Variants in TECPR2 observed in about 807,000 individuals in gnomAD.
TECPR2 encodes tectonin beta-propeller repeat containing 2.
TECPR2 carries 65 observed loss-of-function variants against 138.1 expected under a neutral mutation model. The ratio of observed to expected loss-of-function variants is 0.47; its 90% CI spans 0.39 to 0.58. The LOEUF (loss-of-function observed/expected upper bound fraction) is 0.58, where lower values mean the gene tolerates loss of function less well. Among genes scored for constraint, TECPR2 ranks in the 20% least tolerant of loss-of-function variants. TECPR2 has a pLI of 0.00. For missense variants in TECPR2, 1,553 were observed against 1,824.5 expected, an observed-to-expected ratio of 0.85 and a Z score of 2.71; for synonymous variants, 746 against 749.8, an observed-to-expected ratio of 0.99 and a Z score of 0.08.
chr14:102,440,474 G>A lies in TECPR2; in HGVS notation c.2617G>A (p.Ala873Thr), dbSNP rs755300630. 1 of 1,614,050 alleles carries A rather than the reference G, an allele frequency of 6.2e-7. No individual in the cohort carries two copies. The highest frequency in any genetic ancestry group is 8.5e-7 in the Non-Finnish European group (1 of 1,180,040). ...GAAGATTGAACAGAAATCTAACCGG[G>A]CTTTTGCTTGTGGGAAAGTCACCAT... ...LWKIEQKSNR[A>T]FACGKVTIKG... Residue 873 changes from alanine to threonine, a missense_variant, in exon 11 of 20, where the codon GCT (alanine) becomes ACT (threonine). Ala to Thr is a moderately conservative substitution (Grantham distance 58). Transcript: ENST00000359520.
At chr14:102,488,214 G>GT (rs1354550710) in intron 17 of TECPR2, among the ~76,000 whole-genome samples, 6 of 149,484 alleles carry the variant, frequency 4.0e-5, no homozygotes, top group Non-Finnish European at 8.9e-5. Context: ...CTTTTTTTTT[G>GT]TTTTTTTAGT....
intron 1 of TECPR2, among the ~76,000 whole-genome samples, chr14:102,370,777 C>T (rs751761394): frequency 4.6e-5 from 7 of 152,090 alleles, no homozygotes; most frequent in Non-Finnish European, 8.8e-5. Context: ...ATGAGCTGGG[C>T]ACCAGAGAGA....
chr14:102,497,058 T>C lies in TECPR2; in HGVS notation c.3869T>C (p.Val1290Ala). Residue 1290 changes from valine (V) to alanine (A), a missense_variant, in exon 18 of 20, where the codon GTG (valine) becomes GCG (alanine). Transcript: ENST00000359520. ...MLWVLDSRWNVHVRTGITEEM... is the reference protein window; with the variant it reads ...MLWVLDSRWNAHVRTGITEEM... ...TGGGTGCTTGACAGCAGGTGGAACG[T>C]GCACGTGCGGACCGGGATCACCGAG... 6.2e-7 allele frequency: 1 copy of C among 1,613,866 alleles called. No homozygotes were observed. Among genetic ancestry groups the C allele is most frequent in the Non-Finnish European group, 8.5e-7 (1 of 1,180,020 alleles).
chr14:102,491,100 G>C (rs1237094911), intron 17 of TECPR2, among the ~76,000 whole-genome samples: 1 of 151,682 alleles, frequency 6.6e-6, no homozygotes, highest in Non-Finnish European at 1.5e-5. Flanking sequence ...CATCATATTG[G>C]TCAGGCTGGT....
In TECPR2 at chr14:102,423,437, C is replaced by CA. The variant is rs35097163; in HGVS notation, c.639-1529dup. 8.4e-3 allele frequency among the ~76,000 whole-genome samples: 1,092 copies of CA among 129,482 alleles called. 11 individuals carry two copies. Among genetic ancestry groups the CA allele is most frequent in the African/African-American group, 0.024 (865 of 35,370 alleles). The allele number at this position is 129,482 out of a possible 152,430, so 84.9% of individuals were successfully genotyped here. On this transcript the variant is annotated intron_variant, in intron 5 of 19. Coordinates refer to ENST00000359520, the MANE Select transcript of TECPR2 (RefSeq NM_014844.5). ...GGACAACAAGAGCAAAACTCTGTCT[C>CA]AAAAAAAAAAAAAGAGGTTTTTTTT... is the stretch of plus-strand genomic sequence containing the variant.
intron 5 of TECPR2, 63 bp from the exon 6 acceptor site, chr14:102,424,916 C>G (rs1889274130): frequency 6.8e-7 from 1 of 1,468,934 alleles, no homozygotes; most frequent in Admixed American, 2.1e-5. Context: ...GGGTTGACAA[C>G]TGCATTACTT....
chr14:102,396,197 G>A (rs916171448), intron 2 of TECPR2, among the ~76,000 whole-genome samples: 1 of 151,828 alleles, frequency 6.6e-6, no homozygotes, highest in Non-Finnish European at 1.5e-5. Context: ...CTGCCTCATG[G>A]GTTCAAGCTG....
At chr14:102,459,086 C>T (rs577625303) in intron 16 of TECPR2, among the ~76,000 whole-genome samples, 32 of 151,544 alleles carry the variant, frequency 2.1e-4, no homozygotes, top group South Asian at 6.2e-4. Flanking sequence ...GGTGACAGTA[C>T]GTACCCAACA....
At chr14:102,486,689 T>C (rs1157870028) in intron 17 of TECPR2, among the ~76,000 whole-genome samples, 1 of 152,096 alleles carries the variant, frequency 6.6e-6, no homozygotes, top group Non-Finnish European at 1.5e-5. Context: ...CATACCCACC[T>C]CGTACCACGG....
chr14:102,458,676 T>G (rs930724324), intron 16 of TECPR2, among the ~76,000 whole-genome samples: 2 of 152,086 alleles, frequency 1.3e-5, no homozygotes, highest in Non-Finnish European at 2.9e-5. Flanking sequence ...TGCCACCCAT[T>G]TGCTTCTCTT....
chr14:102,394,854 G>A (rs1888273291), intron 2 of TECPR2, among the ~76,000 whole-genome samples: 1 of 152,138 alleles, frequency 6.6e-6, no homozygotes, highest in Admixed American at 6.6e-5. Context: ...CCTCATGCCT[G>A]TTCTGTTTAC....
intron 17 of TECPR2, among the ~76,000 whole-genome samples, chr14:102,489,936 G>A (rs1891118000): frequency 6.9e-6 from 1 of 144,798 alleles, no homozygotes. Context: ...GGCTTGAGAA[G>A]AATCTACACT....
chr14:102,387,367 T>C (rs1888035241), intron 2 of TECPR2, among the ~76,000 whole-genome samples: 2 of 152,114 alleles, frequency 1.3e-5, no homozygotes, highest in South Asian at 4.1e-4. Flanking sequence ...TACAAAAATG[T>C]TAGAAATGTG....
At chr14:102,485,095 A>G (rs965212072) in intron 17 of TECPR2, among the ~76,000 whole-genome samples, 2 of 152,234 alleles carry the variant, frequency 1.3e-5, no homozygotes, top group African/African-American at 2.4e-5. Flanking sequence ...ACTCTTGCAC[A>G]TACCCAGCGC....
intron 7 of TECPR2, among the ~76,000 whole-genome samples, chr14:102,429,567 G>A (rs77694582): frequency 0.047 from 7,211 of 152,186 alleles, 214 homozygotes; most frequent in Middle Eastern, 0.092. Context: ...TGGGTTCCTC[G>A]GGGAACTTGT....
At chr14:102,365,514 T>C (rs1487660449) in intron 1 of TECPR2, among the ~76,000 whole-genome samples, 2 of 152,198 alleles carry the variant, frequency 1.3e-5, no homozygotes, top group East Asian at 3.8e-4. Flanking sequence ...GTGGCCTGTC[T>C]ACACAATGGA....
chr14:102,406,070 TG>T (rs917194989), intron 2 of TECPR2, among the ~76,000 whole-genome samples: 15 of 146,948 alleles, frequency 1.0e-4, no homozygotes, highest in African/African-American at 2.8e-4. Context: ...TGCCAGGGGC[TG>T]GGGGGAGGGA....
At chr14:102,405,052 T>C (rs1160261622) in intron 2 of TECPR2, among the ~76,000 whole-genome samples, 1 of 150,686 alleles carries the variant, frequency 6.6e-6, no homozygotes, top group Non-Finnish European at 1.5e-5. Flanking sequence ...CTCACACCTG[T>C]AATCCCAGCA....
At chr14:102,408,993 GT>G (rs1888741990) in intron 4 of TECPR2, among the ~76,000 whole-genome samples, 1 of 152,346 alleles carries the variant, frequency 6.6e-6, no homozygotes, top group Admixed American at 6.5e-5. Flanking sequence ...CCTGGCCTGT[GT>G]GAGATGACCT....
Sources: gnomAD v4.1 joint callset for allele counts (sites outside exome capture counted in the v4.1 genomes callset) on GRCh38, gnomAD v4.1.1 for gene constraint, MANE v1.5 for transcripts, NCBI Gene and HGNC (gene_info 2026-07-23, HGNC 2026-07-21) for gene names.